Variants in RANBP2 observed in about 807,000 individuals in gnomAD.
RANBP2 encodes the protein E3 SUMO-protein ligase RanBP2.
A neutral mutation model predicts 303.6 loss-of-function variants in RANBP2; 57 were observed. That is an observed-to-expected ratio of 0.19 (90% CI 0.15 to 0.23). The LOEUF is 0.23. Among genes scored for constraint, RANBP2 ranks in the 10% least tolerant of loss-of-function variants. The pLI is 1.00. For synonymous variants in RANBP2, 1,167 were observed against 1,301.5 expected (o/e 0.90, Z 2.23); for missense variants, 3,138 against 3,780.8 (o/e 0.83, Z 4.46).
chr2:109,339,616 G>C, the RANBP2 span, among the ~76,000 whole-genome samples: 1 of 152,208 alleles, frequency 6.6e-6, no homozygotes, highest in Non-Finnish European at 1.5e-5. Context: ...GTTGCCGGTA[G>C]CGAGGCCTTT....
chr2:108,932,159 T>G, the RANBP2 span, among the ~76,000 whole-genome samples: 1 of 152,344 alleles, frequency 6.6e-6, no homozygotes, highest in African/African-American at 2.4e-5. Context: ...CCTCCTTTTC[T>G]TTCTTTCTTT....
chr2:109,272,124 C>T, the RANBP2 span, among the ~76,000 whole-genome samples: 71 of 152,306 alleles, frequency 4.7e-4, no homozygotes, highest in African/African-American at 1.6e-3. Flanking sequence ...GGCCAGCTGT[C>T]GGAGCTGGAC....
At chr2:108,728,212 C>T (rs1397193130) in intron 1 of RANBP2, among the ~76,000 whole-genome samples, 1 of 152,168 alleles carries the variant, frequency 6.6e-6, no homozygotes, top group East Asian at 1.9e-4. Context: ...AGTGGTACCA[C>T]AGGGTTTCCA....
At chr2:109,619,568 C>G in the RANBP2 span, among the ~76,000 whole-genome samples, 1 of 152,160 alleles carries the variant, frequency 6.6e-6, no homozygotes, top group Non-Finnish European at 1.5e-5. Flanking sequence ...CACTATTGCT[C>G]TATCCGGGAG....
chr2:109,043,438 G>T, the RANBP2 span, among the ~76,000 whole-genome samples: 2 of 152,090 alleles, frequency 1.3e-5, no homozygotes, highest in African/African-American at 2.4e-5. Context: ...CGCCTCCCAG[G>T]ATCAAGCGAT....
rs926155301 is a variant in RANBP2, at chr2:108,775,722, C to T, written c.8293-10C>T. ...AAGTGGCATAGTATTTTGTGACTTC[C>T]TCTTTGCAGAAATCTCAGACAGAAG... On this transcript the variant is annotated splice_polypyrimidine_tract_variant and intron_variant, in intron 23 of 28. Transcript: ENST00000283195. The T allele has an allele frequency of 6.8e-6, 11 of 1,613,230 alleles. No individual in the cohort carries two copies. Among genetic ancestry groups the T allele is most frequent in the Non-Finnish European group, 9.3e-6 (11 of 1,179,816 alleles).
chr2:109,175,362 A>G, the RANBP2 span, among the ~76,000 whole-genome samples: 1 of 152,266 alleles, frequency 6.6e-6, no homozygotes, highest in South Asian at 2.1e-4. Flanking sequence ...AACAAAGGTT[A>G]GCTCATTGAA....
chr2:109,144,943 C>T, the RANBP2 span, among the ~76,000 whole-genome samples: 2 of 152,306 alleles, frequency 1.3e-5, no homozygotes, highest in South Asian at 2.1e-4. Context: ...GGGGTGAGCG[C>T]GTTCAGTGCC....
chr2:109,592,675 G>A, the RANBP2 span, among the ~76,000 whole-genome samples: 4 of 141,296 alleles, frequency 2.8e-5, no homozygotes, highest in Non-Finnish European at 6.2e-5. Context: ...AGCTACTCGG[G>A]AGGCTGAGAC....
intron 19 of RANBP2, 137 bp from the exon 20 acceptor site, chr2:108,763,100 A>T: frequency 9.6e-7 from 1 of 1,036,492 alleles, no homozygotes; most frequent in Non-Finnish European, 1.4e-6. Context: ...TAAACGGGTT[A>T]ATGATGTGTA....
chr2:108,765,877 A>G lies in RANBP2; in HGVS notation c.5338A>G (p.Ile1780Val). The change falls in exon 20 of 29, where the codon ATC (isoleucine) becomes GTC (valine). Residue 1780 changes from isoleucine to valine, a missense_variant. Transcript: ENST00000283195. ...AAAGAGTGGATTTGAAGGAATGTTC[A>G]TCAGGAAAGGACAGTGGGATTGTAG... ...APKSGFEGMF[I>V]RKGQWDCSVC... is the part of the protein sequence containing the mutation. 3 of 1,614,198 alleles carry G rather than the reference A, an allele frequency of 1.9e-6. No homozygotes were observed. Among genetic ancestry groups the G allele is most frequent in the Non-Finnish European group, 2.5e-6 (3 of 1,179,996 alleles).
intron 8 of RANBP2, among the ~76,000 whole-genome samples, chr2:108,748,451 G>T (rs1378309284): frequency 6.8e-6 from 1 of 147,104 alleles, no homozygotes; most frequent in Non-Finnish European, 1.5e-5. Flanking sequence ...TTGATCTCCT[G>T]ACCTCATTAT....
chr2:108,977,785 C>A, the RANBP2 span, among the ~76,000 whole-genome samples: 1 of 152,204 alleles, frequency 6.6e-6, no homozygotes, highest in African/African-American at 2.4e-5. Context: ...GGACCCACAG[C>A]CACCTCAGGA....
the RANBP2 span, among the ~76,000 whole-genome samples, chr2:108,939,225 T>A: frequency 6.6e-6 from 1 of 152,216 alleles, no homozygotes; most frequent in East Asian, 1.9e-4. Context: ...TCACCCAGGC[T>A]ACAGTGTAGT....
chr2:109,178,590 T>C, the RANBP2 span, among the ~76,000 whole-genome samples: 2 of 152,222 alleles, frequency 1.3e-5, no homozygotes, highest in East Asian at 3.8e-4. Context: ...TACGTTATTT[T>C]TCAGAACCAA....
the RANBP2 span, among the ~76,000 whole-genome samples, chr2:109,648,447 A>C: frequency 2.0e-5 from 3 of 151,926 alleles, no homozygotes; most frequent in Admixed American, 1.3e-4. Context: ...GCCTCCCAGC[A>C]GTTCTCTTGC....
At position 108,771,822 on chromosome 2, in the gene RANBP2, C is replaced by G. The variant is rs748182586; in HGVS notation, c.7971C>G (p.Phe2657Leu). The change falls in exon 21 of 29, where the codon TTC becomes TTG. Residue 2657 changes from phenylalanine (F) to leucine (L), a missense_variant. Transcript: ENST00000283195. ...CCAAACTTAAACTTCCTCCAACTTT[C>G]TTCTGCTACAAGAATAGACCAGATT... The part of the protein sequence containing the change: ...LATKLKLPPT[F>L]FCYKNRPDYV... 6.2e-7 allele frequency: 1 copy of G among 1,614,038 alleles called. No individual in the cohort carries two copies. The highest frequency in any genetic ancestry group is 1.7e-5 in the Admixed American group (1 of 60,008).
chr2:109,368,683 A>G, the RANBP2 span, among the ~76,000 whole-genome samples: 1 of 149,140 alleles, frequency 6.7e-6, no homozygotes, highest in Admixed American at 6.7e-5. Flanking sequence ...GTTAGATACC[A>G]GTGTGGATAT....
chr2:109,639,518 C>G, the RANBP2 span, among the ~76,000 whole-genome samples: 40 of 151,950 alleles, frequency 2.6e-4, no homozygotes, highest in African/African-American at 9.4e-4. Flanking sequence ...ACTCGGGAGG[C>G]TGAGGCAGGA....
Sources: allele counts gnomAD v4.1 joint callset (sites outside exome capture counted in the v4.1 genomes callset), GRCh38; gene constraint gnomAD v4.1.1; transcripts MANE v1.5; gene names NCBI Gene and HGNC (gene_info 2026-07-23, HGNC 2026-07-21).